Variants in GRID2 observed in about 807,000 individuals in gnomAD.
The protein encoded by GRID2 is glutamate receptor ionotropic, delta-2.
In GRID2, 33 loss-of-function variants were observed where a neutral mutation model predicts 114.8. The observed-to-expected ratio is 0.29, with a 90% CI of 0.22 to 0.38. The LOEUF is 0.38. Among genes scored for constraint, GRID2 ranks in the 10% least tolerant of loss-of-function variants. GRID2 has a pLI of 1.00. For missense variants in GRID2, 1,184 were observed against 1,257.7 expected (o/e 0.94, Z 0.89); for synonymous variants, 505 against 449.9 (o/e 1.12, Z -1.55).
intron 4 of GRID2, 109 bp from the exon 5 acceptor site, chr4:93,207,295 C>A: frequency 1.3e-6 from 1 of 796,312 alleles, no homozygotes; most frequent in Admixed American, 1.8e-5. Flanking sequence ...GTAACAAAGA[C>A]CTTTCTAACA....
intron 1 of GRID2, among the ~76,000 whole-genome samples, chr4:92,372,546 T>TG (rs1403319617): frequency 6.6e-6 from 1 of 152,146 alleles, no homozygotes; most frequent in Non-Finnish European, 1.5e-5. Flanking sequence ...TTAGACATAA[T>TG]GCTATTGTTC....
chr4:93,326,809 T>C (rs1261372191), intron 8 of GRID2, among the ~76,000 whole-genome samples: 1 of 152,196 alleles, frequency 6.6e-6, no homozygotes, highest in Non-Finnish European at 1.5e-5. Flanking sequence ...AACTTGACTT[T>C]TCCTATCCAA....
At chr4:92,313,498 TAATA>T (rs1327066438) in intron 1 of GRID2, among the ~76,000 whole-genome samples, 1 of 151,546 alleles carries the variant, frequency 6.6e-6, no homozygotes, top group East Asian at 1.9e-4. Context: ...AAGAAAATAA[TAATA>T]AAATAAATAA....
At chr4:93,500,901 A>G (rs1034492439) in intron 12 of GRID2, among the ~76,000 whole-genome samples, 1 of 151,984 alleles carries the variant, frequency 6.6e-6, no homozygotes, top group Admixed American at 6.6e-5. Flanking sequence ...CATATTCATA[A>G]CTATATTTAG....
intron 1 of GRID2, among the ~76,000 whole-genome samples, chr4:92,382,411 T>C (rs1355418230): frequency 6.6e-6 from 1 of 152,046 alleles, no homozygotes; most frequent in Non-Finnish European, 1.5e-5. Context: ...ATGTATTGCA[T>C]TGTGCTGTCA....
intron 8 of GRID2, among the ~76,000 whole-genome samples, chr4:93,289,523 A>G (rs1753520103): frequency 1.3e-5 from 2 of 152,210 alleles, no homozygotes; most frequent in South Asian, 2.1e-4. Context: ...CCTCCAGTTC[A>G]GGCATACACA....
At chr4:93,732,224 A>C (rs1212638720) in intron 14 of GRID2, among the ~76,000 whole-genome samples, 1 of 152,164 alleles carries the variant, frequency 6.6e-6, no homozygotes, top group Non-Finnish European at 1.5e-5. Flanking sequence ...AGGATTTATT[A>C]TACTTTTTAT....
chr4:93,363,204 G>A (rs1762034605), intron 8 of GRID2, among the ~76,000 whole-genome samples: 2 of 152,148 alleles, frequency 1.3e-5, no homozygotes, highest in African/African-American at 4.8e-5. Context: ...ACGACAGAGT[G>A]AGACCCTGTC....
chr4:93,084,715 C>G (rs1346023539), intron 2 of GRID2, among the ~76,000 whole-genome samples: 2 of 152,144 alleles, frequency 1.3e-5, no homozygotes, highest in Non-Finnish European at 2.9e-5. Context: ...TTGCAATAAT[C>G]CTGCGAGATT....
chr4:93,542,360 A>G (rs866263650), intron 13 of GRID2, among the ~76,000 whole-genome samples: 119 of 152,310 alleles, frequency 7.8e-4, no homozygotes, highest in Middle Eastern at 3.4e-3. Flanking sequence ...CTTGGTTTCA[A>G]TAATTTTTCT....
intron 2 of GRID2, among the ~76,000 whole-genome samples, chr4:92,744,398 G>A (rs1737047377): frequency 6.6e-6 from 1 of 150,434 alleles, no homozygotes; most frequent in Non-Finnish European, 1.5e-5. Context: ...TGAGGCAGGA[G>A]AATTCCTTGA....
At chr4:92,616,716 A>G (rs1326403943) in intron 2 of GRID2, among the ~76,000 whole-genome samples, 1 of 151,664 alleles carries the variant, frequency 6.6e-6, no homozygotes, top group Non-Finnish European at 1.5e-5. Context: ...TTTGTTGACT[A>G]CAGGGACATT....
chr4:93,604,752 C>A (rs1560807242), intron 13 of GRID2, among the ~76,000 whole-genome samples: 1 of 152,196 alleles, frequency 6.6e-6, no homozygotes, highest in African/African-American at 2.4e-5. Flanking sequence ...AACATGGAAG[C>A]AAGACCCTCC....
In GRID2 at chr4:92,645,345, C is replaced by T. The variant is rs1451178258; in HGVS notation, c.244+55059C>T. Among the ~76,000 whole-genome samples, 3 of 151,582 alleles carry T rather than the reference C, an allele frequency of 2.0e-5. No individual in the cohort carries two copies. The South Asian group carries it at 6.2e-4, about 31-fold the overall frequency. ...TCACTGCAATGGTGTTTAACATGTTCCCCTTTTCTCCCTATATTACCTATT... is the reference window on the plus strand; with the variant it reads ...TCACTGCAATGGTGTTTAACATGTTTCCCTTTTCTCCCTATATTACCTATT... On this transcript the variant is annotated intron_variant, in intron 2 of 15. Coordinates refer to ENST00000282020, the MANE Select transcript of GRID2 (RefSeq NM_001510.4).
intron 1 of GRID2, among the ~76,000 whole-genome samples, chr4:92,317,941 C>G (rs753598353): frequency 5.1e-4 from 77 of 152,046 alleles, no homozygotes; most frequent in Non-Finnish European, 5.9e-4. Flanking sequence ...AAATAAAATG[C>G]AATATAAATT....
intron 14 of GRID2, among the ~76,000 whole-genome samples, chr4:93,728,327 T>C (rs576168078): frequency 6.6e-6 from 1 of 152,338 alleles, no homozygotes; most frequent in African/African-American, 2.4e-5. Flanking sequence ...GAGTTCTAGT[T>C]TGATTGCTCT....
intron 2 of GRID2, among the ~76,000 whole-genome samples, chr4:92,849,965 C>T (rs755290108): frequency 1.3e-4 from 20 of 151,398 alleles, no homozygotes; most frequent in Non-Finnish European, 2.7e-4. Flanking sequence ...TAGCTTTCTA[C>T]TTGAGAAGAC....
chr4:92,330,422 TTCA>T (rs1202580380), intron 1 of GRID2, among the ~76,000 whole-genome samples: 2 of 152,104 alleles, frequency 1.3e-5, no homozygotes, highest in Non-Finnish European at 2.9e-5. Context: ...GTGTCTCACT[TTCA>T]ATGGAATGTC....
intron 2 of GRID2, among the ~76,000 whole-genome samples, chr4:92,948,961 C>T (rs766822385): frequency 1.5e-4 from 22 of 151,648 alleles, no homozygotes; most frequent in Admixed American, 4.0e-4. Flanking sequence ...CTCCAGTCAA[C>T]TCATTACTAA....
Sources: allele counts gnomAD v4.1 joint callset (sites outside exome capture counted in the v4.1 genomes callset), GRCh38; gene constraint gnomAD v4.1.1; transcripts MANE v1.5; gene names NCBI Gene and HGNC (gene_info 2026-07-23, HGNC 2026-07-21).